Variants in PTPRT observed in about 807,000 individuals in gnomAD.
PTPRT encodes receptor-type tyrosine-protein phosphatase T.
PTPRT carries 56 observed loss-of-function variants against 176.8 expected under a neutral mutation model. The ratio of observed to expected loss-of-function variants is 0.32; its 90% CI spans 0.26 to 0.40. The LOEUF (loss-of-function observed/expected upper bound fraction) is 0.40, where lower values mean the gene tolerates loss of function less well. Ranked by LOEUF, PTPRT falls within the 10% of genes least tolerant of loss-of-function variation. The probability of loss-of-function intolerance (pLI) is 1.00; values close to 1 mark genes in which losing one functional copy is unlikely to be tolerated. For missense variants in PTPRT, 1,540 were observed against 1,908.2 expected (o/e 0.81, Z 3.60); for synonymous variants, 783 against 739.0 (o/e 1.06, Z -0.96).
At chr20:42,248,588 C>T in intron 14 of PTPRT, 99 bp downstream of exon 14, 2 of 1,427,430 alleles carry the variant, frequency 1.4e-6, no homozygotes, top group Non-Finnish European at 1.9e-6. Context: ...ACAGAAGATC[C>T]CTGCTGGACA....
chr20:42,092,813 A>G (rs1472287666), intron 27 of PTPRT, among the ~76,000 whole-genome samples: 1 of 152,116 alleles, frequency 6.6e-6, no homozygotes, highest in African/African-American at 2.4e-5. Flanking sequence ...GAGAATGAGG[A>G]GCTTGCCTCT....
At chr20:42,351,579 TA>T (rs2058284640) in intron 10 of PTPRT, among the ~76,000 whole-genome samples, 1 of 152,168 alleles carries the variant, frequency 6.6e-6, no homozygotes, top group African/African-American at 2.4e-5. Context: ...ATGAAAGCTG[TA>T]AAAAAGGTTC....
chr20:42,870,950 T>G (rs2078834580), intron 2 of PTPRT, among the ~76,000 whole-genome samples: 1 of 148,414 alleles, frequency 6.7e-6, no homozygotes, highest in South Asian at 2.1e-4. Context: ...ACATATTTTC[T>G]TTTCTTTTTT....
At chr20:42,826,513 C>A (rs1370324447) in intron 2 of PTPRT, among the ~76,000 whole-genome samples, 1 of 152,100 alleles carries the variant, frequency 6.6e-6, no homozygotes, top group African/African-American at 2.4e-5. Context: ...GAGACCAAAA[C>A]AAACAGGGAG....
chr20:43,052,852 T>C (rs1313498117), intron 1 of PTPRT, among the ~76,000 whole-genome samples: 1 of 152,236 alleles, frequency 6.6e-6, no homozygotes, highest in Non-Finnish European at 1.5e-5. Flanking sequence ...CTCCACAGAT[T>C]TGTCTCTTCT....
chr20:42,630,347 A>T (rs1327459838), intron 7 of PTPRT, among the ~76,000 whole-genome samples: 1 of 152,154 alleles, frequency 6.6e-6, no homozygotes, highest in Non-Finnish European at 1.5e-5. Flanking sequence ...AGGCCAGAAG[A>T]TAATAAATTT....
intron 6 of PTPRT, among the ~76,000 whole-genome samples, chr20:42,723,755 C>G (rs775544575): frequency 1.2e-4 from 18 of 152,186 alleles, no homozygotes; most frequent in Non-Finnish European, 2.2e-4. Context: ...AGAAGGTACC[C>G]TACCCCAGGA....
chr20:43,144,326 A>G (rs190787254), intron 1 of PTPRT, among the ~76,000 whole-genome samples: 21 of 152,138 alleles, frequency 1.4e-4, no homozygotes, highest in Admixed American at 3.3e-4. Context: ...ATCCTACCCA[A>G]TTCCCAACTG....
intron 9 of PTPRT, among the ~76,000 whole-genome samples, chr20:42,383,852 C>A (rs902751769): frequency 4.6e-5 from 7 of 152,084 alleles, no homozygotes; most frequent in African/African-American, 1.7e-4. Flanking sequence ...ACTTTATGCC[C>A]CACAAAGAAT....
chr20:42,901,400 T>TAC (rs149427262), intron 1 of PTPRT, among the ~76,000 whole-genome samples: 8 of 151,990 alleles, frequency 5.3e-5, no homozygotes, highest in East Asian at 1.9e-4. Context: ...CAGAATGTCA[T>TAC]ACACACACAC....
At chr20:42,967,348 G>T (rs1260084323) in intron 1 of PTPRT, among the ~76,000 whole-genome samples, 2 of 152,074 alleles carry the variant, frequency 1.3e-5, no homozygotes, top group Admixed American at 1.3e-4. Context: ...ACCAAGGTGG[G>T]CCCTAAATCC....
intron 6 of PTPRT, among the ~76,000 whole-genome samples, chr20:42,711,774 G>A (rs6030430): frequency 5.9e-4 from 89 of 151,488 alleles, no homozygotes; most frequent in African/African-American, 2.2e-3. Flanking sequence ...TTATGGGGCT[G>A]TTTGTTACTG....
chr20:42,753,666 AC>A (rs1158087199), intron 6 of PTPRT, among the ~76,000 whole-genome samples: 1 of 152,084 alleles, frequency 6.6e-6, no homozygotes, highest in Non-Finnish European at 1.5e-5. Flanking sequence ...TGGCTACTGC[AC>A]CCAGGCTAGC....
intron 11 of PTPRT, among the ~76,000 whole-genome samples, chr20:42,339,132 C>G (rs1423069236): frequency 6.6e-6 from 1 of 152,194 alleles, no homozygotes; most frequent in Non-Finnish European, 1.5e-5. Context: ...CTGCTCTAGC[C>G]TTCCACAAAA....
the PTPRT span, among the ~76,000 whole-genome samples, chr20:42,046,010 G>C: frequency 6.6e-6 from 1 of 152,142 alleles, no homozygotes; most frequent in African/African-American, 2.4e-5. Flanking sequence ...ATGTCTAAAG[G>C]GGCAGGGGTT....
At chr20:42,055,919 C>G in the PTPRT span, among the ~76,000 whole-genome samples, 1 of 152,084 alleles carries the variant, frequency 6.6e-6, no homozygotes, top group Non-Finnish European at 1.5e-5. Flanking sequence ...CTCCTTTGTT[C>G]TCTTGTAGGG....
chr20:42,965,004 C>T (rs1982212347), intron 1 of PTPRT, among the ~76,000 whole-genome samples: 1 of 152,116 alleles, frequency 6.6e-6, no homozygotes, highest in African/African-American at 2.4e-5. Flanking sequence ...CTACTAAATC[C>T]AAGGTTATCA....
chr20:43,186,645 G>A (rs946073730), intron 1 of PTPRT, among the ~76,000 whole-genome samples: 1 of 152,170 alleles, frequency 6.6e-6, no homozygotes, highest in African/African-American at 2.4e-5. Context: ...AAAGAGAGTC[G>A]GTTGTAACCC....
At chr20:42,698,443 C>T (rs1013548582) in intron 6 of PTPRT, among the ~76,000 whole-genome samples, 1 of 152,122 alleles carries the variant, frequency 6.6e-6, no homozygotes, top group African/African-American at 2.4e-5. Context: ...AAGTCCATTT[C>T]CAACTAAGGT....
Sources: gnomAD v4.1 joint callset for allele counts (sites outside exome capture counted in the v4.1 genomes callset) on GRCh38, gnomAD v4.1.1 for gene constraint, MANE v1.5 for transcripts, NCBI Gene and HGNC (gene_info 2026-07-23, HGNC 2026-07-21) for gene names.